The following TLL1 variants were observed in gnomAD, a reference collection of about 807,000 sequenced individuals.
The protein encoded by TLL1 is tolloid like 1.
Under a neutral mutation model 128.2 loss-of-function variants are expected in TLL1, and 49 were observed. The ratio of observed to expected loss-of-function variants is 0.38; its 90% CI spans 0.30 to 0.48. The LOEUF is 0.48. Ranked by LOEUF, TLL1 falls within the 20% of genes least tolerant of loss-of-function variation. TLL1 has a pLI of 0.96. For missense variants in TLL1, 1,123 were observed against 1,242.0 expected, an observed-to-expected ratio of 0.90 and a Z score of 1.44; for synonymous variants, 454 against 418.8, an observed-to-expected ratio of 1.08 and a Z score of -1.03.
At chr4:165,961,231 A>G (rs1247098086) in intron 1 of TLL1, among the ~76,000 whole-genome samples, 1 of 151,318 alleles carries the variant, frequency 6.6e-6, no homozygotes, top group Admixed American at 6.6e-5. Context: ...TAGCCACAGA[A>G]AGAATAAAAT....
chr4:165,991,828 A>G (rs1432207118), intron 2 of TLL1, among the ~76,000 whole-genome samples: 2 of 152,068 alleles, frequency 1.3e-5, no homozygotes, highest in African/African-American at 4.8e-5. Flanking sequence ...TGAACCATAG[A>G]TACTCCATGT....
At chr4:166,018,368 G>A (rs541497641) in intron 8 of TLL1, among the ~76,000 whole-genome samples, 1 of 152,142 alleles carries the variant, frequency 6.6e-6, no homozygotes, top group South Asian at 2.1e-4. Flanking sequence ...TAAAACATAG[G>A]GATCACCATT....
chr4:165,976,089 A>T (rs574106980), intron 1 of TLL1, among the ~76,000 whole-genome samples: 2 of 151,064 alleles, frequency 1.3e-5, no homozygotes, highest in African/African-American at 4.9e-5. Flanking sequence ...TGCCATCACT[A>T]CTTATATTCA....
At chr4:165,902,548 CCTT>C (rs1732046732) in intron 1 of TLL1, among the ~76,000 whole-genome samples, 1 of 152,140 alleles carries the variant, frequency 6.6e-6, no homozygotes, top group Non-Finnish European at 1.5e-5. Context: ...TTCCCTGACT[CCTT>C]CTGCTTCCTG....
chr4:165,995,641 A>T (rs1039410556), intron 5 of TLL1, among the ~76,000 whole-genome samples: 4 of 152,184 alleles, frequency 2.6e-5, no homozygotes, highest in Non-Finnish European at 5.9e-5. Flanking sequence ...AGTTCCATAA[A>T]TTTTTAGTTA....
intron 1 of TLL1, among the ~76,000 whole-genome samples, chr4:165,914,794 C>G (rs1732705233): frequency 6.6e-6 from 1 of 152,112 alleles, no homozygotes; most frequent in Non-Finnish European, 1.5e-5. Context: ...AAGATTTTCC[C>G]CAGAGAGAGA....
At chr4:165,909,543 G>C (rs1391246213) in intron 1 of TLL1, among the ~76,000 whole-genome samples, 1 of 152,154 alleles carries the variant, frequency 6.6e-6, no homozygotes. Context: ...GAGATGAGGA[G>C]GAACCAGTAA....
chr4:165,923,420 C>CCTT (rs1561030845), intron 1 of TLL1, among the ~76,000 whole-genome samples: 1 of 83,046 alleles, frequency 1.2e-5, no homozygotes, highest in Non-Finnish European at 2.3e-5. Flanking sequence ...TATAGGTATA[C>CCTT]CTTTTTTTTT....
At position 165,897,662 on chromosome 4, in the gene TLL1, C is replaced by CTTTTTTTTT. The variant is rs951819686; in HGVS notation, c.169+23605_169+23613dup. Among the ~76,000 whole-genome samples the CTTTTTTTTT allele has an allele frequency of 4.0e-3, 188 of 47,540 alleles. 10 individuals carry two copies. The highest frequency in any genetic ancestry group is 0.013 in the African/African-American group (150 of 11,154). 31.2% of individuals were successfully genotyped at this position (47,540 alleles called of 152,430 possible). Reference sequence around the variant, plus strand: ...TATAGTTTGAAGTCAGGTAGTCCAGCTTTTTTTTTTTTTTTTTTTTTTTTG... The same window carrying CTTTTTTTTT: ...TATAGTTTGAAGTCAGGTAGTCCAGCTTTTTTTTTTTTTTTTTTTTTTTTTTTTTTTTTG... On this transcript the variant is annotated intron_variant, in intron 1 of 20. Coordinates refer to ENST00000061240, the MANE Select transcript of TLL1 (RefSeq NM_012464.5).
chr4:166,060,917 T>C (rs1356890181), intron 15 of TLL1, among the ~76,000 whole-genome samples: 1 of 152,176 alleles, frequency 6.6e-6, no homozygotes. Flanking sequence ...TAAACGTTTG[T>C]TTTGTTTCGT....
intron 1 of TLL1, among the ~76,000 whole-genome samples, chr4:165,914,182 G>A (rs1261964259): frequency 3.9e-5 from 6 of 151,996 alleles, no homozygotes; most frequent in Non-Finnish European, 8.8e-5. Flanking sequence ...AGCATTTCCT[G>A]TTTGGCTTTT....
intron 9 of TLL1, among the ~76,000 whole-genome samples, chr4:166,030,106 T>G (rs1429417220): frequency 6.6e-6 from 1 of 152,102 alleles, no homozygotes; most frequent in Admixed American, 6.6e-5. Context: ...CAGTCCTCAC[T>G]AAGACTGCAA....
At chr4:166,038,543 G>C (rs1056820902) in intron 9 of TLL1, among the ~76,000 whole-genome samples, 4 of 151,822 alleles carry the variant, frequency 2.6e-5, no homozygotes, top group South Asian at 2.1e-4. Context: ...TACTTCTCGC[G>C]TAAGTTTGGC....
chr4:166,014,626 A>G (rs1737853362), intron 8 of TLL1, 66 bp downstream of exon 8: 1 of 1,599,916 alleles, frequency 6.3e-7, no homozygotes, highest in South Asian at 1.1e-5. Context: ...TGAATAAGCC[A>G]TGATTTACTC....
chr4:166,004,894 TAA>T (rs1737341936), intron 6 of TLL1, among the ~76,000 whole-genome samples: 3 of 151,678 alleles, frequency 2.0e-5, no homozygotes, highest in Admixed American at 6.6e-5. Flanking sequence ...CAGATTAAAA[TAA>T]AGAGAACTCA....
intron 6 of TLL1, among the ~76,000 whole-genome samples, chr4:166,004,725 G>A (rs976708770): frequency 6.6e-6 from 1 of 152,090 alleles, no homozygotes; most frequent in Non-Finnish European, 1.5e-5. Flanking sequence ...TTATTTTTAT[G>A]TGACCATTAT....
chr4:165,936,838 CAGG>C (rs1218585336), intron 1 of TLL1, among the ~76,000 whole-genome samples: 3 of 152,062 alleles, frequency 2.0e-5, no homozygotes, highest in Non-Finnish European at 2.9e-5. Flanking sequence ...GAGGCTGAAG[CAGG>C]AGAATAGCTT....
At chr4:165,939,189 C>T (rs1372695779) in intron 1 of TLL1, among the ~76,000 whole-genome samples, 1 of 151,934 alleles carries the variant, frequency 6.6e-6, no homozygotes, top group East Asian at 1.9e-4. Context: ...ATTGGTGACC[C>T]TCAAGTTATC....
At chr4:166,074,737 T>G in intron 16 of TLL1, 141 bp from the exon 17 acceptor site, 1 of 989,458 alleles carries the variant, frequency 1.0e-6, no homozygotes, top group Non-Finnish European at 1.5e-6. Flanking sequence ...ATCATACATT[T>G]TTGTTTGTTT....
Sources: gnomAD v4.1 joint callset for allele counts (sites outside exome capture counted in the v4.1 genomes callset) on GRCh38, gnomAD v4.1.1 for gene constraint, MANE v1.5 for transcripts, NCBI Gene and HGNC (gene_info 2026-07-23, HGNC 2026-07-21) for gene names.